The following B3GLCT variants were observed in gnomAD, a reference collection of about 807,000 sequenced individuals.
B3GLCT encodes beta-1,3-glucosyltransferase.
In B3GLCT, 65 loss-of-function variants were observed where a neutral mutation model predicts 63.4. The observed-to-expected ratio is 1.03, with a 90% CI of 0.84 to 1.26. The LOEUF (loss-of-function observed/expected upper bound fraction) is 1.26. Ranked by LOEUF, B3GLCT falls within the 50% of genes most tolerant of loss-of-function variation. The pLI, the probability that B3GLCT is intolerant of heterozygous loss-of-function variation, is 0.00. For missense variants in B3GLCT, 577 were observed against 604.8 expected (o/e 0.95, Z 0.48); for synonymous variants, 233 against 219.2 (o/e 1.06, Z -0.55).
intron 6 of B3GLCT, among the ~76,000 whole-genome samples, chr13:31,252,400 T>C (rs6562654): frequency 0.43 from 65,318 of 151,654 alleles, 14,782 homozygotes; most frequent in East Asian, 0.77. Context: ...GGCTAAATGC[T>C]CCAGTTAAAA....
rs1408908720 is a variant in B3GLCT at position 31,331,898 on chromosome 13, C to T, written c.*2230C>T. 1 of 152,140 alleles carries T rather than the reference C, an allele frequency of 6.6e-6. No homozygotes were observed. The highest frequency in any genetic ancestry group is 1.5e-5 in the Non-Finnish European group (1 of 68,014). 9.4% of individuals were successfully genotyped at this position (152,140 alleles called of 1,614,324 possible). On this transcript the variant is annotated 3_prime_UTR_variant, in exon 15 of 15. Transcript: ENST00000343307. ...ATTTTTAGGCTAGGGATGTTAACAT[C>T]AGGGATTTGTGTGTGGAATAACTGG...
At chr13:31,209,998 G>A (rs1869175069) in intron 1 of B3GLCT, among the ~76,000 whole-genome samples, 1 of 152,232 alleles carries the variant, frequency 6.6e-6, no homozygotes, top group Non-Finnish European at 1.5e-5. Flanking sequence ...GGGAAAGAGA[G>A]TTGATTAGTG....
At position 31,329,900 on chromosome 13, in the gene B3GLCT, T is replaced by C; in HGVS notation, c.*232T>C. On this transcript the variant is annotated 3_prime_UTR_variant, in exon 15 of 15. Transcript: ENST00000343307. ...TTGCTTTTGACTTATGCAGTTGTTTTAACACTTAGTGATGACTGTGTATTC... is the reference window on the plus strand; with the variant it reads ...TTGCTTTTGACTTATGCAGTTGTTTCAACACTTAGTGATGACTGTGTATTC... The C allele has an allele frequency of 1.8e-6, 1 of 541,234 alleles. No individual in the cohort carries two copies. Among genetic ancestry groups the C allele is most frequent in the Non-Finnish European group, 3.3e-6 (1 of 301,158 alleles). 33.5% of individuals were successfully genotyped at this position (541,234 alleles called of 1,614,324 possible).
intron 4 of B3GLCT, among the ~76,000 whole-genome samples, chr13:31,244,242 A>G (rs1871089248): frequency 1.3e-5 from 2 of 152,222 alleles, no homozygotes; most frequent in Admixed American, 1.3e-4. Context: ...CTGTAATCCC[A>G]GCACTTTGGG....
At chr13:31,283,972 G>A (rs969838124) in intron 10 of B3GLCT, among the ~76,000 whole-genome samples, 3 of 152,194 alleles carry the variant, frequency 2.0e-5, no homozygotes, top group Non-Finnish European at 4.4e-5. Context: ...TTAATATCAA[G>A]TAGTGGTAAG....
intron 12 of B3GLCT, among the ~76,000 whole-genome samples, chr13:31,300,000 G>C (rs986805070): frequency 1.3e-5 from 2 of 152,142 alleles, no homozygotes; most frequent in African/African-American, 4.8e-5. Context: ...TTAGGAAAAT[G>C]CATCCAATAC....
chr13:31,253,131 G>A (rs563645574), intron 6 of B3GLCT, among the ~76,000 whole-genome samples: 146 of 152,184 alleles, frequency 9.6e-4, no homozygotes, highest in African/African-American at 3.3e-3. Context: ...ATAACGAAAC[G>A]AAAGCAGAAA....
intron 4 of B3GLCT, among the ~76,000 whole-genome samples, chr13:31,242,247 T>C (rs1870990907): frequency 6.6e-6 from 1 of 152,120 alleles, no homozygotes; most frequent in Admixed American, 6.5e-5. Flanking sequence ...GTAAACAGTG[T>C]GCTATTCAGT....
At chr13:31,327,789 G>GT (rs1235302280) in intron 14 of B3GLCT, among the ~76,000 whole-genome samples, 1 of 152,166 alleles carries the variant, frequency 6.6e-6, no homozygotes, top group African/African-American at 2.4e-5. Context: ...CTGTCTCACT[G>GT]TTTTTTCCTT....
At chr13:31,324,886 T>G (rs545326147) in intron 14 of B3GLCT, among the ~76,000 whole-genome samples, 1 of 152,284 alleles carries the variant, frequency 6.6e-6, no homozygotes, top group South Asian at 2.1e-4. Flanking sequence ...TAAAGTTTTT[T>G]ATAGAGATGG....
At chr13:31,255,823 C>A (rs1186106673) in intron 6 of B3GLCT, among the ~76,000 whole-genome samples, 1 of 152,160 alleles carries the variant, frequency 6.6e-6, no homozygotes, top group African/African-American at 2.4e-5. Flanking sequence ...AGATGTGAGA[C>A]CTAAAACCAT....
intron 12 of B3GLCT, 61 bp from the exon 13 acceptor site, chr13:31,317,505 A>G: frequency 6.2e-7 from 1 of 1,602,012 alleles, no homozygotes; most frequent in Non-Finnish European, 8.5e-7. Flanking sequence ...AGAACCATAA[A>G]CTGTTCCATA....
chr13:31,297,554 TCTC>T (rs1477929904), intron 12 of B3GLCT, among the ~76,000 whole-genome samples: 1 of 151,994 alleles, frequency 6.6e-6, no homozygotes, highest in Admixed American at 6.5e-5. Flanking sequence ...CAGGGAGAGT[TCTC>T]CTACCCACCA....
At chr13:31,250,012 A>T (rs1276854455) in intron 6 of B3GLCT, among the ~76,000 whole-genome samples, 1 of 152,212 alleles carries the variant, frequency 6.6e-6, no homozygotes, top group East Asian at 1.9e-4. Context: ...CTGTCAAAAT[A>T]TTTTAAATGT....
At chr13:31,274,163 A>G (rs1049529846) in intron 8 of B3GLCT, among the ~76,000 whole-genome samples, 69 of 152,196 alleles carry the variant, frequency 4.5e-4, no homozygotes, top group African/African-American at 1.6e-3. Context: ...TATTTGGGGT[A>G]TGTGATTACC....
intron 10 of B3GLCT, among the ~76,000 whole-genome samples, chr13:31,280,607 G>A (rs7327458): frequency 0.036 from 5,494 of 152,206 alleles, 345 homozygotes; most frequent in African/African-American, 0.13. Context: ...GCTCAAGGCC[G>A]TAGTCACAGC....
intron 12 of B3GLCT, among the ~76,000 whole-genome samples, chr13:31,309,616 A>G (rs992442443): frequency 6.6e-6 from 1 of 152,234 alleles, no homozygotes; most frequent in Non-Finnish European, 1.5e-5. Flanking sequence ...AAAGGATATT[A>G]TCAAGGATGC....
chr13:31,212,745 G>C (rs1869336078), intron 1 of B3GLCT, among the ~76,000 whole-genome samples: 1 of 152,208 alleles, frequency 6.6e-6, no homozygotes, highest in African/African-American at 2.4e-5. Flanking sequence ...TCATGAGTTA[G>C]TTTGACCACA....
chr13:31,210,485 CCTT>C (rs1011462968), intron 1 of B3GLCT, among the ~76,000 whole-genome samples: 1 of 152,230 alleles, frequency 6.6e-6, no homozygotes, highest in African/African-American at 2.4e-5. Flanking sequence ...TTCCCTCACT[CCTT>C]CTTTTCTTTG....
Sources: allele counts gnomAD v4.1 joint callset (sites outside exome capture counted in the v4.1 genomes callset), GRCh38; gene constraint gnomAD v4.1.1; transcripts MANE v1.5; gene names NCBI Gene and HGNC (gene_info 2026-07-23, HGNC 2026-07-21).